The following PDS5B variants were observed in gnomAD, a reference collection of about 807,000 sequenced individuals.
PDS5B encodes the protein sister chromatid cohesion protein PDS5 homolog B.
A neutral mutation model predicts 184.1 loss-of-function variants in PDS5B; 51 were observed. The ratio of observed to expected loss-of-function variants is 0.28; its 90% CI spans 0.22 to 0.35. The LOEUF is 0.35. PDS5B is among the 10% of genes least tolerant of loss of function. The probability of loss-of-function intolerance (pLI) is 1.00; values close to 1 mark genes in which losing one functional copy is unlikely to be tolerated. For synonymous variants in PDS5B, 566 were observed against 569.2 expected, an observed-to-expected ratio of 0.99 and a Z score of 0.08; for missense variants, 1,180 against 1,723.3, an observed-to-expected ratio of 0.68 and a Z score of 5.58.
chr13:32,600,528 G>A (rs2140481577), intron 1 of PDS5B, among the ~76,000 whole-genome samples: 1 of 152,298 alleles, frequency 6.6e-6, no homozygotes, highest in Non-Finnish European at 1.5e-5. Context: ...CACTTGAGGT[G>A]TCAAGAGTTT....
rs185076462 is a variant in PDS5B, at chr13:32,628,699, G to A, written c.-19-20055G>A. On this transcript the variant is annotated intron_variant, in intron 1 of 34. Coordinates refer to ENST00000315596, the MANE Select transcript of PDS5B (RefSeq NM_015032.4). ...ACCAAATATACTATTAAACCCACAC[G>A]TGTGCACACACATACACACTTGAGT... Among the ~76,000 whole-genome samples the A allele has an allele frequency of 1.3e-4, 19 of 151,710 alleles. No homozygotes were observed. The South Asian group carries it at 1.9e-3, about 15-fold the overall frequency.
chr13:32,589,354 C>T (rs2057738608), intron 1 of PDS5B, among the ~76,000 whole-genome samples: 1 of 152,176 alleles, frequency 6.6e-6, no homozygotes, highest in Admixed American at 6.5e-5. Context: ...CCATCCCCTT[C>T]TCACCTTTTT....
intron 1 of PDS5B, among the ~76,000 whole-genome samples, chr13:32,591,056 C>T (rs2140458338): frequency 6.6e-6 from 1 of 151,576 alleles, no homozygotes; most frequent in Non-Finnish European, 1.5e-5. Context: ...TAAAAGTTTA[C>T]TTTAAAAAAA....
At chr13:32,760,124 T>A (rs1280453474) in intron 29 of PDS5B, among the ~76,000 whole-genome samples, 2 of 151,996 alleles carry the variant, frequency 1.3e-5, no homozygotes, top group Non-Finnish European at 2.9e-5. Context: ...CCTGGCTAAT[T>A]TTTTGTATTT....
chr13:32,659,360 G>C, intron 6 of PDS5B, 80 bp downstream of exon 6: 1 of 1,012,920 alleles, frequency 9.9e-7, no homozygotes. Context: ...TTCTAAATAT[G>C]GTTTATCCTG....
chr13:32,593,120 T>C (rs530614190), intron 1 of PDS5B, among the ~76,000 whole-genome samples: 3 of 152,258 alleles, frequency 2.0e-5, no homozygotes, highest in African/African-American at 7.2e-5. Flanking sequence ...GTAGAGCCAT[T>C]ACGGAGAATA....
intron 1 of PDS5B, among the ~76,000 whole-genome samples, chr13:32,597,495 C>A (rs776798579): frequency 8.6e-5 from 13 of 151,658 alleles, no homozygotes; most frequent in Non-Finnish European, 1.9e-4. Context: ...GAGTTCGAGT[C>A]CAGCCTGGGT....
intron 14 of PDS5B, among the ~76,000 whole-genome samples, chr13:32,696,548 T>TAA (rs534448060): frequency 1.4e-5 from 2 of 140,248 alleles, no homozygotes. Context: ...CTTTCAGCTC[T>TAA]AAAAAAAAAA....
intron 1 of PDS5B, among the ~76,000 whole-genome samples, chr13:32,624,814 T>A (rs939793174): frequency 3.9e-5 from 6 of 152,158 alleles, no homozygotes; most frequent in African/African-American, 1.4e-4. Flanking sequence ...CAAGCTCAAT[T>A]GGCAAAAGGG....
intron 13 of PDS5B, among the ~76,000 whole-genome samples, chr13:32,693,693 A>G (rs1038896914): frequency 1.3e-5 from 2 of 149,798 alleles, no homozygotes; most frequent in African/African-American, 4.9e-5. Context: ...ATATTAAACG[A>G]CATTATAATA....
In PDS5B at chr13:32,667,826, T is replaced by C; in HGVS notation, c.687T>C (p.Ile229=). 1.3e-6 allele frequency: 2 copies of C among 1,582,034 alleles called. No individual in the cohort carries two copies. Among genetic ancestry groups the C allele is most frequent in the Non-Finnish European group, 1.7e-6 (2 of 1,164,308 alleles). Residue 229 remains isoleucine, a synonymous_variant, in exon 7 of 35, where the codon ATT becomes ATC. Transcript: ENST00000315596. The part of the protein sequence containing the change: ...KALLKRTAQA[I]EPYITNFFNQ... ...TACTGAAGAGGACAGCTCAAGCTAT[T>C]GAGCCATATATTACCAATGTAAGTC...
At chr13:32,644,011 C>T (rs1433916486) in intron 1 of PDS5B, among the ~76,000 whole-genome samples, 2 of 152,064 alleles carry the variant, frequency 1.3e-5, no homozygotes, top group Non-Finnish European at 2.9e-5. Context: ...GTTTCTTTTC[C>T]AATATGTATG....
At chr13:32,631,348 C>T (rs1429979715) in intron 1 of PDS5B, among the ~76,000 whole-genome samples, 1 of 152,116 alleles carries the variant, frequency 6.6e-6, no homozygotes. Flanking sequence ...CTGCCTTGAC[C>T]TCCCAAAGTG....
At chr13:32,716,976 T>C (rs1952463334) in intron 19 of PDS5B, among the ~76,000 whole-genome samples, 1 of 104,026 alleles carries the variant, frequency 9.6e-6, no homozygotes, top group Non-Finnish European at 2.0e-5. Context: ...GGTGGGGGGG[T>C]CAGTCCCCCG....
At chr13:32,664,186 G>A (rs764083195) in intron 6 of PDS5B, among the ~76,000 whole-genome samples, 1 of 152,118 alleles carries the variant, frequency 6.6e-6, no homozygotes, top group Non-Finnish European at 1.5e-5. Flanking sequence ...TAGTAGGTGT[G>A]TTATATTAGT....
chr13:32,643,560 G>C (rs114625053), intron 1 of PDS5B, among the ~76,000 whole-genome samples: 1 of 151,726 alleles, frequency 6.6e-6, no homozygotes, highest in African/African-American at 2.4e-5. Context: ...TGTCAGTGAT[G>C]GACTGCATAT....
chr13:32,678,428 A>G (rs560401547), intron 9 of PDS5B, among the ~76,000 whole-genome samples: 2 of 152,292 alleles, frequency 1.3e-5, no homozygotes, highest in South Asian at 4.1e-4. Context: ...AATGCCCTAT[A>G]TTTAAAAGGG....
intron 8 of PDS5B, among the ~76,000 whole-genome samples, chr13:32,675,000 G>A (rs768403299): frequency 6.6e-6 from 1 of 151,022 alleles, no homozygotes; most frequent in Admixed American, 6.6e-5. Flanking sequence ...CCAGGCTTGA[G>A]ATATAATTAC....
chr13:32,690,147 A>G (rs1052845966), intron 13 of PDS5B: 1 of 152,206 alleles, frequency 6.6e-6, no homozygotes, highest in South Asian at 2.1e-4. Context: ...ATACAGTTTT[A>G]TTTGCAAGGG....
Sources: allele counts gnomAD v4.1 joint callset (sites outside exome capture counted in the v4.1 genomes callset), GRCh38; gene constraint gnomAD v4.1.1; transcripts MANE v1.5; gene names NCBI Gene and HGNC (gene_info 2026-07-23, HGNC 2026-07-21).